The following CX3CL1 variants were observed in gnomAD, a reference collection of about 807,000 sequenced individuals.
The protein encoded by CX3CL1 is C-X3-C motif chemokine ligand 1, also known as fractalkine.
A neutral mutation model predicts 14.1 loss-of-function variants in CX3CL1; 1 was observed. That is an observed-to-expected ratio of 0.07 (90% CI 0.03 to 0.34). The LOEUF (loss-of-function observed/expected upper bound fraction) is 0.34, where lower values mean the gene tolerates loss of function less well. Ranked by LOEUF, CX3CL1 falls within the 10% of genes least tolerant of loss-of-function variation. CX3CL1 has a pLI of 0.99. For missense variants in CX3CL1, 505 were observed against 536.4 expected, an observed-to-expected ratio of 0.94 and a Z score of 0.58; for synonymous variants, 255 against 229.6, an observed-to-expected ratio of 1.11 and a Z score of -1.00.
chr16:57,378,666 AT>A (rs1297202782), intron 1 of CX3CL1: 2 of 151,914 alleles, frequency 1.3e-5, no homozygotes, highest in African/African-American at 4.8e-5. Context: ...GTTTCACCAT[AT>A]TGATCAGGCT....
Position 57,372,530 on chromosome 16 carries a change from C to G in CX3CL1, c.-39C>G. On this transcript the variant is annotated 5_prime_UTR_variant, in exon 1 of 3. Coordinates refer to ENST00000006053, the MANE Select transcript of CX3CL1 (RefSeq NM_002996.6). ...AGCTCTGCCGCCTGGCTCTAGCCGC[C>G]TGCCTGGCCCCCGCCGGGACTCTTG... 6.3e-7 allele frequency: 1 copy of G among 1,599,364 alleles called. No homozygotes were observed.
rs186094547 is a variant in CX3CL1 at position 57,380,676 on chromosome 16, G to A, written c.191+922G>A. On this transcript the variant is annotated intron_variant, in intron 2 of 2. Transcript: ENST00000006053. ...AGGAAACGACCATTTCGAGACTTTG[G>A]GGAGGGATTGAGCCATTGTAACCCT... 6.6e-3 allele frequency among the ~76,000 whole-genome samples: 999 copies of A among 152,238 alleles called. 15 individuals carry two copies. Among genetic ancestry groups the A allele is most frequent in the African/African-American group, 0.022 (907 of 41,534 alleles).
chr16:57,372,974 C>T (rs1902200022), intron 1 of CX3CL1, among the ~76,000 whole-genome samples: 1 of 152,136 alleles, frequency 6.6e-6, no homozygotes, highest in Non-Finnish European at 1.5e-5. Flanking sequence ...GAAGCTCCTG[C>T]TGGGCACTGG....
At chr16:57,375,861 G>A (rs2146509549) in intron 1 of CX3CL1, among the ~76,000 whole-genome samples, 1 of 152,328 alleles carries the variant, frequency 6.6e-6, no homozygotes, top group African/African-American at 2.4e-5. Context: ...CAATATGTTT[G>A]TGGTATGTTC....
rs147241712 is a variant in CX3CL1, at chr16:57,374,483, A to G, written c.70+1845A>G. On this transcript the variant is annotated intron_variant, in intron 1 of 2. Coordinates refer to ENST00000006053, the MANE Select transcript of CX3CL1 (RefSeq NM_002996.6). ...AAAAACGAATCTGTTTTAAGCTCCT[A>G]TAGCCTACCCGCCTCATTAGCAGTG... Among the ~76,000 whole-genome samples, 493 of 152,274 alleles carry G rather than the reference A, an allele frequency of 3.2e-3. 4 individuals are homozygous for G. Among genetic ancestry groups the G allele is most frequent in the African/African-American group, 0.011 (468 of 41,564 alleles).
intron 1 of CX3CL1, chr16:57,378,459 T>C (rs756088294): frequency 1.8e-4 from 1 of 5,406 alleles, no homozygotes; most frequent in East Asian, 1.7e-3. Flanking sequence ...AAGAGATCTC[T>C]TTTTTTTTTT....
intron 2 of CX3CL1, 120 bp downstream of exon 2, chr16:57,379,874 G>A (rs1902296449): frequency 1.0e-5 from 12 of 1,194,174 alleles, no homozygotes; most frequent in Admixed American, 2.0e-5. Flanking sequence ...AAAGGCCTCA[G>A]CACACGCTTC....
rs142404054 is a variant in CX3CL1, at chr16:57,382,561, G to A, written c.723G>A (p.Pro241=). 74 of 1,613,846 alleles carry A rather than the reference G, an allele frequency of 4.6e-5. No homozygotes were observed. The highest frequency in any genetic ancestry group is 1.3e-4 in the African/African-American group (10 of 74,908). ...CCCCAGCCCCAGAGGAGAATGCTCC[G>A]TCTGAAGGCCAGCGTGTGTGGGGTC... ...ASSPAPEENA[P]SEGQRVWGQG... The change falls in exon 3 of 3, where the codon CCG becomes CCA. Residue 241 remains proline (P), a synonymous_variant. Transcript: ENST00000006053. The surrounding 1 kb of genome is among the most constrained non-coding windows in gnomAD (Gnocchi z 6.9).
chr16:57,379,721 A>T lies in CX3CL1; in HGVS notation c.158A>T (p.Gln53Leu), dbSNP rs1567553873. ...IPVALLIHYQ[Q>L]NQASCGKRAI... is the part of the protein sequence containing the mutation. ...GTAGCTTTGCTCATCCACTATCAACAGAACCAGGCATCATGCGGCAAACGC... is the reference window on the plus strand; with the variant it reads ...GTAGCTTTGCTCATCCACTATCAACTGAACCAGGCATCATGCGGCAAACGC... Residue 53 changes from glutamine (Q) to leucine (L), a missense_variant, in exon 2 of 3, where the codon CAG becomes CTG. By Grantham distance (113) the Gln-to-Leu change is moderately radical (BLOSUM62 -2). Coordinates refer to ENST00000006053, the MANE Select transcript of CX3CL1 (RefSeq NM_002996.6). 1 of 1,614,262 alleles carries T rather than the reference A, an allele frequency of 6.2e-7. No homozygotes were observed. The highest frequency in any genetic ancestry group is 1.7e-5 in the Admixed American group (1 of 60,030).
chr16:57,380,242 G>A (rs139114928), intron 2 of CX3CL1, among the ~76,000 whole-genome samples: 35 of 152,310 alleles, frequency 2.3e-4, no homozygotes, highest in African/African-American at 7.9e-4. Flanking sequence ...TCTGTAAAAT[G>A]GGTAGCTAGG....
chr16:57,372,520 C>T lies in CX3CL1; in HGVS notation c.-49C>T. ...GACAGCACTGAGCTCTGCCGCCTGG[C>T]TCTAGCCGCCTGCCTGGCCCCCGCC... On this transcript the variant is annotated 5_prime_UTR_variant, in exon 1 of 3. Transcript: ENST00000006053. The T allele has an allele frequency of 6.3e-7, 1 of 1,576,242 alleles. No homozygotes were observed. The highest frequency in any genetic ancestry group is 8.7e-7 in the Non-Finnish European group (1 of 1,154,066).
At position 57,384,863 on chromosome 16, in the gene CX3CL1, C is replaced by T. The variant is rs1902390899; in HGVS notation, c.*1831C>T. The stretch of plus-strand genomic sequence containing the variant: ...GGCCCTGCCTCCTTTGTGAGGAAGC[C>T]GCTGGGGCCAGTTGGTCCCCCTTCC... On this transcript the variant is annotated 3_prime_UTR_variant, in exon 3 of 3. Coordinates refer to ENST00000006053, the MANE Select transcript of CX3CL1 (RefSeq NM_002996.6). The T allele has an allele frequency of 6.6e-6, 1 of 152,234 alleles. No individual in the cohort carries two copies. 9.4% of individuals were successfully genotyped at this position (152,234 alleles called of 1,614,324 possible).
chr16:57,382,552 G>A lies in CX3CL1; in HGVS notation c.714G>A (p.Glu238=). Residue 238 remains glutamate (E), a synonymous_variant, in exon 3 of 3, where the codon GAG becomes GAA. Coordinates refer to ENST00000006053, the MANE Select transcript of CX3CL1 (RefSeq NM_002996.6). This position sits in a 1 kb window ranked among gnomAD's most constrained non-coding sequence, Gnocchi z 6.9. The stretch of plus-strand genomic sequence containing the variant: ...CTGCGTCCTCCCCAGCCCCAGAGGA[G>A]AATGCTCCGTCTGAAGGCCAGCGTG... The part of the protein sequence containing the change: ...ASTASSPAPE[E]NAPSEGQRVW... 6.2e-7 allele frequency: 1 copy of A among 1,613,974 alleles called. No individual in the cohort carries two copies. The highest frequency in any genetic ancestry group is 2.2e-5 in the East Asian group (1 of 44,884).
At chr16:57,377,634 T>C (rs1230309389) in intron 1 of CX3CL1, 1 of 152,206 alleles carries the variant, frequency 6.6e-6, no homozygotes, top group Non-Finnish European at 1.5e-5. Context: ...TATGTTTGCA[T>C]GGCCACATAT....
At chr16:57,380,048 A>G (rs560124201) in intron 2 of CX3CL1, among the ~76,000 whole-genome samples, 8 of 152,246 alleles carry the variant, frequency 5.3e-5, no homozygotes, top group Non-Finnish European at 1.0e-4. Flanking sequence ...GGGCTGAAGC[A>G]CATGTTACCC....
intron 1 of CX3CL1, chr16:57,379,320 C>T (rs1463794251): frequency 5.3e-6 from 2 of 373,980 alleles, no homozygotes; most frequent in Admixed American, 1.0e-4. Flanking sequence ...GAGCAAGACT[C>T]CAACTCAAAA....
chr16:57,374,114 C>T (rs2146508107), intron 1 of CX3CL1, among the ~76,000 whole-genome samples: 1 of 152,250 alleles, frequency 6.6e-6, no homozygotes, highest in East Asian at 1.9e-4. Flanking sequence ...GCCTCACTTT[C>T]TCCTCCTGTA....
chr16:57,382,194 G>A lies in CX3CL1; in HGVS notation c.356G>A (p.Gly119Glu). ...AAGCCCAGGACCACCCCTGCCGCCG[G>A]GGGAATGGACGAGTCTGTGGTCCTG... ...EVKPRTTPAA[G>E]GMDESVVLEP... The change falls in exon 3 of 3, where the codon GGG (glycine) becomes GAG (glutamate). Residue 119 changes from glycine (G) to glutamate (E), a missense_variant. By Grantham distance (98) the Gly-to-Glu change is moderately conservative (BLOSUM62 -2). Transcript: ENST00000006053. This position sits in a 1 kb window ranked among gnomAD's most constrained non-coding sequence, Gnocchi z 6.9. 1.2e-6 allele frequency: 2 copies of A among 1,613,552 alleles called. No homozygotes were observed. The highest frequency in any genetic ancestry group is 1.7e-6 in the Non-Finnish European group (2 of 1,179,868).
At chr16:57,379,127 G>A (rs1725753370) in intron 1 of CX3CL1, 1 of 153,608 alleles carries the variant, frequency 6.5e-6, no homozygotes, top group Admixed American at 6.5e-5. Context: ...GGGAGTCTGA[G>A]ACCAGCCTGA....
Sources: gnomAD v4.1 joint callset for allele counts (sites outside exome capture counted in the v4.1 genomes callset) on GRCh38, gnomAD v4.1.1 for gene constraint, Gnocchi (gnomAD v3.1) non-coding constraint, MANE v1.5 for transcripts, NCBI Gene and HGNC (gene_info 2026-07-23, HGNC 2026-07-21) for gene names.